CADM2: variants seen among roughly 807,000 people sequenced by gnomAD.
CADM2 encodes immunoglobulin superfamily member 4D.
In CADM2, 12 loss-of-function variants were observed where a neutral mutation model predicts 49.8. The ratio of observed to expected loss-of-function variants is 0.24; its 90% CI spans 0.15 to 0.39. CADM2 has a LOEUF of 0.39. CADM2 is among the 10% of genes least tolerant of loss of function. The probability of loss-of-function intolerance (pLI) is 1.00; values close to 1 mark genes in which losing one functional copy is unlikely to be tolerated. For synonymous variants in CADM2, 214 were observed against 175.4 expected, an observed-to-expected ratio of 1.22 and a Z score of -1.74; for missense variants, 378 against 492.3, an observed-to-expected ratio of 0.77 and a Z score of 2.20.
intron 8 of CADM2, among the ~76,000 whole-genome samples, chr3:85,999,631 GAGAAAGAA>G (rs60020500): frequency 1.3e-5 from 2 of 148,948 alleles, no homozygotes; most frequent in African/African-American, 2.5e-5. Context: ...AAGAAAGAAG[GAGAAAGAA>G]AGAAAGAAAG....
At chr3:85,522,213 T>A (rs1168845681) in intron 1 of CADM2, among the ~76,000 whole-genome samples, 1 of 152,152 alleles carries the variant, frequency 6.6e-6, no homozygotes, top group Non-Finnish European at 1.5e-5. Context: ...TCGCCTTCCC[T>A]TTAGTTTGTT....
intron 1 of CADM2, among the ~76,000 whole-genome samples, chr3:85,680,728 G>A (rs2066016808): frequency 1.3e-5 from 2 of 152,090 alleles, no homozygotes; most frequent in South Asian, 2.1e-4. Context: ...TCTCTAATTA[G>A]CACTTTGTTC....
At chr3:85,695,913 C>CATCAATT (rs752017113) in intron 1 of CADM2, among the ~76,000 whole-genome samples, 10 of 152,060 alleles carry the variant, frequency 6.6e-5, no homozygotes, top group Non-Finnish European at 1.2e-4. Context: ...ACAATGCCAA[C>CATCAATT]ATCAATTTTT....
At chr3:85,973,883 A>G (rs1198717680) in intron 8 of CADM2, among the ~76,000 whole-genome samples, 1 of 151,624 alleles carries the variant, frequency 6.6e-6, no homozygotes, top group Non-Finnish European at 1.5e-5. Flanking sequence ...TGGTGAAAGG[A>G]AATTAGGTGG....
chr3:85,160,155 A>G (rs1465860355), intron 1 of CADM2, among the ~76,000 whole-genome samples: 1 of 152,074 alleles, frequency 6.6e-6, no homozygotes, highest in African/African-American at 2.4e-5. Flanking sequence ...TATACTTTTA[A>G]TTTCTATGCC....
chr3:85,604,310 A>G (rs10511073), intron 1 of CADM2, among the ~76,000 whole-genome samples: 85,421 of 151,700 alleles, frequency 0.56, 25,746 homozygotes, highest in East Asian at 0.84. Flanking sequence ...TCTGAGGCTT[A>G]ATCTCATCTG....
chr3:85,129,700 GAT>G (rs1194756363), intron 1 of CADM2, among the ~76,000 whole-genome samples: 1 of 152,128 alleles, frequency 6.6e-6, no homozygotes, highest in East Asian at 1.9e-4. Flanking sequence ...CCCTCCACCA[GAT>G]ATGACAAGGT....
intron 1 of CADM2, among the ~76,000 whole-genome samples, chr3:85,054,365 A>T (rs1179493897): frequency 2.0e-5 from 3 of 151,870 alleles, no homozygotes; most frequent in Admixed American, 2.0e-4. Flanking sequence ...ATAGTAAATG[A>T]AGACTTCAAT....
chr3:85,144,314 T>C (rs775294941), intron 1 of CADM2, among the ~76,000 whole-genome samples: 12 of 151,350 alleles, frequency 7.9e-5, no homozygotes, highest in Non-Finnish European at 1.6e-4. Flanking sequence ...ATAAACATCA[T>C]AAGAACAAGA....
At chr3:86,023,176 A>G (rs569210379) in intron 8 of CADM2, among the ~76,000 whole-genome samples, 6 of 152,174 alleles carry the variant, frequency 3.9e-5, no homozygotes, top group Non-Finnish European at 8.8e-5. Flanking sequence ...AAACAATACT[A>G]GCAGATATTG....
chr3:85,540,643 A>G (rs1281732697), intron 1 of CADM2, among the ~76,000 whole-genome samples: 1 of 152,170 alleles, frequency 6.6e-6, no homozygotes, highest in African/African-American at 2.4e-5. Flanking sequence ...AATCTCATTT[A>G]TCATTTCCCT....
intron 5 of CADM2, among the ~76,000 whole-genome samples, chr3:85,908,254 C>CTTTTTTTTTTT (rs898710165): frequency 1.5e-5 from 1 of 65,776 alleles, no homozygotes; most frequent in Non-Finnish European, 3.1e-5. Flanking sequence ...TTTTTTTCTT[C>CTTTTTTTTTTT]TTTTTTTTTT....
rs373935603 is a variant in CADM2, at chr3:85,144,620, A to AAAAAAG, written c.61+184955_61+184956insAAGAAA. Among the ~76,000 whole-genome samples the AAAAAAG allele has an allele frequency of 3.1e-3, 420 of 136,368 alleles. 4 individuals are homozygous for AAAAAAG. The highest frequency in any genetic ancestry group is 4.3e-3 in the Non-Finnish European group (284 of 65,312). The allele number at this position is 136,368 out of a possible 152,430, so 89.5% of individuals were successfully genotyped here. A position where few individuals can be genotyped will look rare whatever the true frequency, so the allele number is the denominator to read the frequency against. On this transcript the variant is annotated intron_variant, in intron 1 of 9. Transcript: ENST00000383699. Reference sequence around the variant, plus strand: ...GAGTGAGACTCCATCTCAAAAAAAAAAAAGAAAGAAAGAAAGAAAGAAAGA... The same window carrying AAAAAAG: ...GAGTGAGACTCCATCTCAAAAAAAAAAAAAAGAAAGAAAGAAAGAAAGAAAGAAAGA...
chr3:85,743,193 T>C (rs1326327194), intron 2 of CADM2, among the ~76,000 whole-genome samples: 1 of 152,206 alleles, frequency 6.6e-6, no homozygotes, highest in African/African-American at 2.4e-5. Context: ...ACTGTGCTTC[T>C]TCATCTCATT....
chr3:85,428,594 A>T (rs2036524788), intron 1 of CADM2, among the ~76,000 whole-genome samples: 1 of 146,498 alleles, frequency 6.8e-6, no homozygotes, highest in South Asian at 2.1e-4. Flanking sequence ...AATAAAAATA[A>T]TATTTATTAT....
intron 1 of CADM2, among the ~76,000 whole-genome samples, chr3:85,528,181 G>C (rs1311993504): frequency 6.6e-6 from 1 of 151,940 alleles, no homozygotes; most frequent in Non-Finnish European, 1.5e-5. Flanking sequence ...AACCTCTTCT[G>C]TCCCCTTCCT....
At chr3:85,531,480 A>G (rs773730774) in intron 1 of CADM2, among the ~76,000 whole-genome samples, 2 of 152,204 alleles carry the variant, frequency 1.3e-5, no homozygotes, top group South Asian at 4.1e-4. Flanking sequence ...CAAAGAGGTT[A>G]AAAAAGTGTA....
intron 1 of CADM2, among the ~76,000 whole-genome samples, chr3:85,232,678 T>C (rs2042321961): frequency 6.6e-6 from 1 of 152,042 alleles, no homozygotes; most frequent in Admixed American, 6.6e-5. Context: ...AAAAACACCC[T>C]ATATTATTAG....
rs368832232 is a variant in CADM2 at position 85,603,520 on chromosome 3, T to A, written c.62-123002T>A. On this transcript the variant is annotated intron_variant, in intron 1 of 9. Transcript: ENST00000383699. Reference sequence around the variant, plus strand: ...TTCTTGAATAATTCCCTCAGGAACTTGCTTGCTGTTACTGAACTAAACATT... The same window carrying A: ...TTCTTGAATAATTCCCTCAGGAACTAGCTTGCTGTTACTGAACTAAACATT... Among the ~76,000 whole-genome samples the A allele has an allele frequency of 3.1e-4, 47 of 152,032 alleles. No individual in the cohort carries two copies. In the East Asian group the frequency reaches 8.1e-3, roughly 26 times the overall value.
Sources: allele counts gnomAD v4.1 joint callset (sites outside exome capture counted in the v4.1 genomes callset), GRCh38; gene constraint gnomAD v4.1.1; transcripts MANE v1.5; gene names NCBI Gene and HGNC (gene_info 2026-07-23, HGNC 2026-07-21).